CAST: variants seen among roughly 807,000 people sequenced by gnomAD.
CAST encodes MIR583 host.
CAST carries 76 observed loss-of-function variants against 119.6 expected under a neutral mutation model. That is an observed-to-expected ratio of 0.64 (90% CI 0.53 to 0.77). The LOEUF is 0.77. CAST is among the 30% of genes least tolerant of loss of function. The pLI is 0.00. For synonymous variants in CAST, 319 were observed against 331.6 expected, an observed-to-expected ratio of 0.96 and a Z score of 0.41; for missense variants, 953 against 946.5, an observed-to-expected ratio of 1.01 and a Z score of -0.09.
chr5:96,080,130 A>C, the CAST span, among the ~76,000 whole-genome samples: 2 of 152,204 alleles, frequency 1.3e-5, no homozygotes, highest in Non-Finnish European at 2.9e-5. Context: ...ACCTAGGACA[A>C]GTTACTCAAC....
At chr5:96,568,021 T>G (rs1365666742) in intron 1 of CAST, among the ~76,000 whole-genome samples, 1 of 152,154 alleles carries the variant, frequency 6.6e-6, no homozygotes, top group African/African-American at 2.4e-5. Flanking sequence ...GCTTCAGGGG[T>G]TTAGATTTCT....
the CAST span, among the ~76,000 whole-genome samples, chr5:96,402,166 G>A: frequency 6.6e-6 from 1 of 152,186 alleles, no homozygotes; most frequent in Non-Finnish European, 1.5e-5. Context: ...GAAAGAGGCA[G>A]TGGACATTCC....
At chr5:96,527,437 C>T (rs1305251640), upstream of CAST, among the ~76,000 whole-genome samples, 3 of 152,090 alleles carry the variant, frequency 2.0e-5, no homozygotes, top group East Asian at 1.9e-4. Context: ...TCCTTTCACC[C>T]TCTGATCTCA....
chr5:96,361,341 G>T, the CAST span, among the ~76,000 whole-genome samples: 1 of 152,108 alleles, frequency 6.6e-6, no homozygotes, highest in Non-Finnish European at 1.5e-5. Context: ...GGAGTGAACA[G>T]TTCTGTTTCG....
chr5:96,113,050 C>A, the CAST span, among the ~76,000 whole-genome samples: 2 of 152,226 alleles, frequency 1.3e-5, no homozygotes, highest in African/African-American at 4.8e-5. Context: ...GATGGTTGAT[C>A]CCATCTAGAA....
At chr5:96,502,327 T>G in the CAST span, among the ~76,000 whole-genome samples, 3 of 150,228 alleles carry the variant, frequency 2.0e-5, no homozygotes, top group African/African-American at 7.6e-5. Context: ...TTTGTTTATA[T>G]TATTATTTGA....
the CAST span, among the ~76,000 whole-genome samples, chr5:96,050,717 G>A: frequency 1.3e-5 from 2 of 152,184 alleles, no homozygotes; most frequent in Non-Finnish European, 1.5e-5. Flanking sequence ...TGGGGTGGAA[G>A]GTGGCCAGTG....
At chr5:96,663,165 C>T (rs970317641) in intron 1 of CAST, 6 of 702,528 alleles carry the variant, frequency 8.5e-6, no homozygotes, top group Admixed American at 4.0e-5. Context: ...TGGTACAAGA[C>T]GGTAAATAGG....
chr5:96,429,066 G>T, the CAST span: 9 of 585,790 alleles, frequency 1.5e-5, no homozygotes, highest in African/African-American at 1.7e-4. Context: ...TAATTTTATG[G>T]AAAGAAATTA....
At chr5:96,725,433 C>T (rs1759079160) in intron 4 of CAST, among the ~76,000 whole-genome samples, 1 of 152,194 alleles carries the variant, frequency 6.6e-6, no homozygotes, top group Non-Finnish European at 1.5e-5. Flanking sequence ...AACACACAAC[C>T]TCAGGTCCAC....
At chr5:96,555,412 C>T (rs542322289) in intron 1 of CAST, among the ~76,000 whole-genome samples, 12 of 152,220 alleles carry the variant, frequency 7.9e-5, no homozygotes, top group Non-Finnish European at 1.2e-4. Context: ...CAGCGTGAGC[C>T]GAAGCAGGGT....
the CAST span, among the ~76,000 whole-genome samples, chr5:96,036,466 A>G: frequency 1.3e-5 from 2 of 152,274 alleles, no homozygotes; most frequent in African/African-American, 2.4e-5. Context: ...TAATTCATTC[A>G]GTAAACATTT....
At chr5:95,962,184 G>T in the CAST span, 1 of 272,514 alleles carries the variant, frequency 3.7e-6, no homozygotes. Context: ...TGGTTACCTG[G>T]AGTTGGAGCC....
chr5:96,668,072 T>TTTA (rs1561453589), intron 1 of CAST, among the ~76,000 whole-genome samples: 1 of 152,186 alleles, frequency 6.6e-6, no homozygotes, highest in Non-Finnish European at 1.5e-5. Context: ...ATACCAATCA[T>TTTA]TGGTGTCAAT....
intron 2 of CAST, among the ~76,000 whole-genome samples, chr5:96,685,609 A>G (rs1751990722): frequency 6.6e-6 from 1 of 152,256 alleles, no homozygotes; most frequent in South Asian, 2.1e-4. Flanking sequence ...CAGAATGCTT[A>G]GTAAATGTGT....
chr5:96,502,923 G>A, the CAST span, among the ~76,000 whole-genome samples: 3 of 152,020 alleles, frequency 2.0e-5, no homozygotes, highest in Non-Finnish European at 4.4e-5. Flanking sequence ...GTTGTTTCCA[G>A]TTTTTCTGCC....
At chr5:96,525,768 G>A (rs777648455), upstream of CAST, among the ~76,000 whole-genome samples, 2 of 152,196 alleles carry the variant, frequency 1.3e-5, no homozygotes, top group African/African-American at 4.8e-5. Context: ...AACTGTAAAT[G>A]TGAGTTAGCT....
chr5:96,662,851 A>T lies in CAST; in HGVS notation c.75+354A>T, dbSNP rs956060985. 3 of 558,036 alleles carry T rather than the reference A, an allele frequency of 5.4e-6. No individual in the cohort carries two copies. The East Asian group carries it at 9.5e-5, about 18-fold the overall frequency. 34.6% of individuals were successfully genotyped at this position (558,036 alleles called of 1,614,324 possible). On this transcript the variant is annotated intron_variant, in intron 1 of 31. Coordinates refer to ENST00000675179, the MANE Select transcript of CAST (RefSeq NM_001750.7). ...TGGGGTGGTTTCACTGGACAGCGGG[A>T]TGTAGTCTTCCGCGCTAAGGCCGGG...
the CAST span, among the ~76,000 whole-genome samples, chr5:96,207,649 A>G: frequency 2.0e-5 from 3 of 152,068 alleles, no homozygotes; most frequent in African/African-American, 7.2e-5. Context: ...GATAAAGCCT[A>G]CTTGATGGCA....
Sources: gnomAD v4.1 joint callset for allele counts (sites outside exome capture counted in the v4.1 genomes callset) on GRCh38, gnomAD v4.1.1 for gene constraint, MANE v1.5 for transcripts, NCBI Gene and HGNC (gene_info 2026-07-23, HGNC 2026-07-21) for gene names.